The following PIK3C2G variants were observed in gnomAD, a reference collection of about 807,000 sequenced individuals.
PIK3C2G encodes phosphatidylinositol 3-kinase C2 domain-containing subunit gamma.
A neutral mutation model predicts 181.1 loss-of-function variants in PIK3C2G; 168 were observed. The ratio of observed to expected loss-of-function variants is 0.93; its 90% CI spans 0.82 to 1.05. The LOEUF (loss-of-function observed/expected upper bound fraction) is 1.05. Ranked by LOEUF, PIK3C2G falls within the 50% of genes least tolerant of loss-of-function variation. The pLI, the probability that PIK3C2G is intolerant of heterozygous loss-of-function variation, is 0.00. For synonymous variants in PIK3C2G, 573 were observed against 592.2 expected, an observed-to-expected ratio of 0.97 and a Z score of 0.47; for missense variants, 1,869 against 1,732.8, an observed-to-expected ratio of 1.08 and a Z score of -1.40.
chr12:18,557,493 A>G (rs1945073571), intron 26 of PIK3C2G, among the ~76,000 whole-genome samples: 1 of 152,150 alleles, frequency 6.6e-6, no homozygotes, highest in East Asian at 1.9e-4. Context: ...AATAGAAAAG[A>G]ATGTCATTAA....
chr12:18,247,547 G>A (rs1026893780), upstream of PIK3C2G: 8 of 152,220 alleles, frequency 5.3e-5, no homozygotes, highest in African/African-American at 1.7e-4. Context: ...TATGGTCTGA[G>A]GTTTGAGGAG....
At chr12:18,623,898 C>T (rs1267811505) in intron 31 of PIK3C2G, among the ~76,000 whole-genome samples, 3 of 151,670 alleles carry the variant, frequency 2.0e-5, no homozygotes, top group Non-Finnish European at 4.4e-5. Flanking sequence ...CCTACAACTT[C>T]GCTGAATTCA....
intron 11 of PIK3C2G, among the ~76,000 whole-genome samples, chr12:18,348,203 A>T (rs1939862626): frequency 6.6e-6 from 1 of 151,972 alleles, no homozygotes; most frequent in Non-Finnish European, 1.5e-5. Context: ...AGACAAGGAT[A>T]AATATATATA....
At chr12:18,497,480 G>A (rs1434123612) in intron 21 of PIK3C2G, 139 bp from the exon 22 acceptor site, 7 of 485,654 alleles carry the variant, frequency 1.4e-5, no homozygotes, top group Non-Finnish European at 2.0e-5. Flanking sequence ...GGTAATTTTA[G>A]TGCTAACAAA....
At chr12:18,693,372 G>C in the PIK3C2G span, 4 of 1,603,582 alleles carry the variant, frequency 2.5e-6, no homozygotes, top group East Asian at 2.2e-5. Context: ...GGAAATTAAG[G>C]AATCTGTGGA....
chr12:18,626,581 T>C (rs1949109631), intron 31 of PIK3C2G, among the ~76,000 whole-genome samples: 1 of 152,056 alleles, frequency 6.6e-6, no homozygotes, highest in Non-Finnish European at 1.5e-5. Context: ...TTTAATAATT[T>C]CTGTAATGCA....
rs1479268322 is a variant in PIK3C2G at position 18,420,920 on chromosome 12, GATAT to G, written c.2316-18_2316-15del. The G allele has an allele frequency of 7.8e-7, 1 of 1,282,116 alleles. No homozygotes were observed. Among genetic ancestry groups the G allele is most frequent in the East Asian group, 2.3e-5 (1 of 42,994 alleles). 79.4% of individuals were successfully genotyped at this position (1,282,116 alleles called of 1,614,324 possible). A position where few individuals can be genotyped will look rare whatever the true frequency, so the allele number is the denominator to read the frequency against. ...ATTCCTTACCATTAACAGCTTAGTG[GATAT>G]ATTTACTGTGTATTAGTTTTCCAGA... On this transcript the variant is annotated splice_polypyrimidine_tract_variant and intron_variant, in intron 16 of 32. Transcript: ENST00000538779.
intron 18 of PIK3C2G, among the ~76,000 whole-genome samples, chr12:18,434,702 G>A (rs1472459095): frequency 6.6e-5 from 10 of 152,150 alleles, no homozygotes; most frequent in Admixed American, 6.6e-4. Flanking sequence ...ACCTGTAGCA[G>A]TTTCTGCCAT....
intron 15 of PIK3C2G, among the ~76,000 whole-genome samples, chr12:18,393,554 A>G (rs1943672573): frequency 6.6e-6 from 1 of 152,120 alleles, no homozygotes; most frequent in Non-Finnish European, 1.5e-5. Context: ...TCTTGATGTC[A>G]ACCAAAAAAT....
intron 13 of PIK3C2G, among the ~76,000 whole-genome samples, chr12:18,377,865 A>C (rs2137931743): frequency 6.6e-6 from 1 of 152,290 alleles, no homozygotes; most frequent in Middle Eastern, 3.4e-3. Context: ...ATATTATATT[A>C]GCCTTTTTGA....
At chr12:18,315,693 A>G (rs1950829189) in intron 6 of PIK3C2G, among the ~76,000 whole-genome samples, 1 of 152,190 alleles carries the variant, frequency 6.6e-6, no homozygotes, top group Non-Finnish European at 1.5e-5. Context: ...ACAGGGAGGT[A>G]TCAAGACTTT....
At chr12:18,569,481 A>G (rs1351725793) in intron 29 of PIK3C2G, among the ~76,000 whole-genome samples, 1 of 152,182 alleles carries the variant, frequency 6.6e-6, no homozygotes, top group Non-Finnish European at 1.5e-5. Context: ...TTATTGTTGT[A>G]TAATATTTTA....
chr12:18,536,183 G>T (rs1943843745), intron 24 of PIK3C2G, among the ~76,000 whole-genome samples: 1 of 152,066 alleles, frequency 6.6e-6, no homozygotes, highest in African/African-American at 2.4e-5. Context: ...GAGTAACAGA[G>T]TAAATTAAAT....
chr12:18,300,941 T>C (rs374013401), intron 5 of PIK3C2G, among the ~76,000 whole-genome samples: 33 of 152,262 alleles, frequency 2.2e-4, no homozygotes, highest in African/African-American at 7.0e-4. Context: ...TTATATCTCC[T>C]TCATTTGGCA....
chr12:18,303,100 C>CTCTTTCTTTCTCTCCT lies in PIK3C2G; in HGVS notation c.1034+9096_1034+9097insCTCCTTCTTTCTTTCT, dbSNP rs1555153489. On this transcript the variant is annotated intron_variant, in intron 5 of 32. Transcript: ENST00000538779. ...TAAGTAATTTCTTTTTCTTTTCTTT[C>CTCTTTCTTTCTCTCCT]TCTTTCTTTCTTTCCTTCTTTCTTT... 4.4e-4 allele frequency among the ~76,000 whole-genome samples: 33 copies of CTCTTTCTTTCTCTCCT among 75,120 alleles called. 1 individual carries two copies. Among genetic ancestry groups the CTCTTTCTTTCTCTCCT allele is most frequent in the African/African-American group, 1.7e-3 (30 of 17,650 alleles). 49.3% of individuals were successfully genotyped at this position (75,120 alleles called of 152,430 possible). A position where few individuals can be genotyped will look rare whatever the true frequency, so the allele number is the denominator to read the frequency against.
chr12:18,536,048 A>G (rs989392684), intron 24 of PIK3C2G, among the ~76,000 whole-genome samples: 1 of 152,126 alleles, frequency 6.6e-6, no homozygotes, highest in Admixed American at 6.6e-5. Context: ...AACATGGCAC[A>G]TGTATACATA....
At chr12:18,482,641 C>T (rs1379709924) in intron 18 of PIK3C2G, among the ~76,000 whole-genome samples, 1 of 152,134 alleles carries the variant, frequency 6.6e-6, no homozygotes, top group African/African-American at 2.4e-5. Context: ...CCATCCTGGC[C>T]TTGCTTTTTC....
chr12:18,355,736 C>T (rs886954648), intron 11 of PIK3C2G, among the ~76,000 whole-genome samples: 1 of 152,236 alleles, frequency 6.6e-6, no homozygotes, highest in Non-Finnish European at 1.5e-5. Flanking sequence ...CTGCCCATCC[C>T]ATTCACACAC....
At chr12:18,700,629 G>C in the PIK3C2G span, among the ~76,000 whole-genome samples, 2 of 150,502 alleles carry the variant, frequency 1.3e-5, no homozygotes, top group Non-Finnish European at 2.9e-5. Context: ...CCAACACAGA[G>C]AAAGTGGGAG....
Sources: allele counts gnomAD v4.1 joint callset (sites outside exome capture counted in the v4.1 genomes callset), GRCh38; gene constraint gnomAD v4.1.1; transcripts MANE v1.5; gene names NCBI Gene and HGNC (gene_info 2026-07-23, HGNC 2026-07-21).